SMOC2: variants seen among roughly 807,000 people sequenced by gnomAD.
SMOC2 encodes the protein SPARC-related modular calcium-binding protein 2.
In SMOC2, 39 loss-of-function variants were observed where a neutral mutation model predicts 61.4. That is an observed-to-expected ratio of 0.64 (90% CI 0.49 to 0.83). The LOEUF is 0.83. Among genes scored for constraint, SMOC2 ranks in the 40% least tolerant of loss-of-function variants. The pLI is 0.00. For synonymous variants in SMOC2, 247 were observed against 239.9 expected, an observed-to-expected ratio of 1.03 and a Z score of -0.27; for missense variants, 556 against 592.9, an observed-to-expected ratio of 0.94 and a Z score of 0.65.
In SMOC2 at chr6:168,467,136, A is replaced by AACACACACACACAC. The variant is rs10536582; in HGVS notation, c.84+25715_84+25728dup. On this transcript the variant is annotated intron_variant, in intron 1 of 12. Transcript: ENST00000356284. ...TGTGCTTAACAAATCAGTGCTCTCAAACACACACACACACACACACACACA... is the reference window on the plus strand; with the variant it reads ...TGTGCTTAACAAATCAGTGCTCTCAAACACACACACACACACACACACACACACACACACACACA... 5.1e-3 allele frequency among the ~76,000 whole-genome samples: 675 copies of AACACACACACACAC among 133,408 alleles called. 11 individuals carry two copies. The highest frequency in any genetic ancestry group is 0.011 in the African/African-American group (415 of 36,246). 87.5% of individuals were successfully genotyped at this position (133,408 alleles called of 152,430 possible).
At chr6:168,486,485 A>G (rs1173859952) in intron 1 of SMOC2, among the ~76,000 whole-genome samples, 1 of 151,966 alleles carries the variant, frequency 6.6e-6, no homozygotes, top group Non-Finnish European at 1.5e-5. Context: ...TCTCTTTGCT[A>G]CTTCTTCCCC....
At chr6:168,624,500 GACAC>G (rs1453171865) in intron 9 of SMOC2, among the ~76,000 whole-genome samples, 1 of 152,142 alleles carries the variant, frequency 6.6e-6, no homozygotes, top group Non-Finnish European at 1.5e-5. Context: ...GGAGCACAAA[GACAC>G]ACAGACACAG....
chr6:168,532,620 T>C (rs367945435), intron 4 of SMOC2, among the ~76,000 whole-genome samples: 132 of 152,304 alleles, frequency 8.7e-4, no homozygotes, highest in African/African-American at 3.1e-3. Context: ...GTTCCTGGCA[T>C]GAGTACAAAG....
At chr6:168,599,625 CACACACACCCACA>C (rs1785474163) in intron 8 of SMOC2, among the ~76,000 whole-genome samples, 1 of 48,896 alleles carries the variant, frequency 2.0e-5, no homozygotes. Flanking sequence ...ACACTCATAC[CACACACACCCACA>C]CCCACACACA....
chr6:168,522,661 AATC>A (rs1397605617), intron 2 of SMOC2, among the ~76,000 whole-genome samples: 4 of 152,106 alleles, frequency 2.6e-5, no homozygotes, highest in Non-Finnish European at 5.9e-5. Flanking sequence ...TGAACCTTGA[AATC>A]ATCATGCCAA....
chr6:168,520,599 A>G (rs1380040135), intron 2 of SMOC2, among the ~76,000 whole-genome samples: 2 of 152,238 alleles, frequency 1.3e-5, no homozygotes, highest in Admixed American at 1.3e-4. Context: ...AAACATATCC[A>G]GCTAGCTGCT....
At chr6:168,565,751 C>T (rs889279967) in intron 7 of SMOC2, among the ~76,000 whole-genome samples, 23 of 152,214 alleles carry the variant, frequency 1.5e-4, no homozygotes, top group Admixed American at 1.3e-3. Flanking sequence ...GCACCACCAA[C>T]GCCATCACCC....
intron 1 of SMOC2, among the ~76,000 whole-genome samples, chr6:168,483,020 T>C (rs369883628): frequency 7.2e-5 from 11 of 152,106 alleles, no homozygotes; most frequent in Non-Finnish European, 1.5e-5. Flanking sequence ...CTTTCACCAC[T>C]ACTATTTAAC....
chr6:168,604,467 A>T (rs1349482436), intron 8 of SMOC2, among the ~76,000 whole-genome samples: 1 of 152,164 alleles, frequency 6.6e-6, no homozygotes, highest in African/African-American at 2.4e-5. Flanking sequence ...CTCATCTCCC[A>T]GTGATTCTGC....
chr6:168,613,099 C>T (rs984254981), intron 9 of SMOC2, among the ~76,000 whole-genome samples: 7 of 152,156 alleles, frequency 4.6e-5, no homozygotes, highest in Admixed American at 2.0e-4. Flanking sequence ...TGCTTCATTT[C>T]AGTCTACACT....
rs374106630 is a variant in SMOC2 at position 168,527,483 on chromosome 6, G to A, written c.364-145G>A. ...AAGACCTGCACACTTTCTTTACCGA[G>A]GACTCAAATGCAGCCACAGAAGTAG... On this transcript the variant is annotated intron_variant, in intron 3 of 12. Coordinates refer to ENST00000356284, the MANE Select transcript of SMOC2 (RefSeq NM_001166412.2). 4.5e-5 allele frequency: 28 copies of A among 627,686 alleles called. No homozygotes were observed. In the East Asian group the frequency reaches 5.3e-4, roughly 12 times the overall value. The allele number at this position is 627,686 out of a possible 1,614,324, so 38.9% of individuals were successfully genotyped here.
chr6:168,474,862 A>G (rs2115017172), intron 1 of SMOC2, among the ~76,000 whole-genome samples: 1 of 152,262 alleles, frequency 6.6e-6, no homozygotes, highest in African/African-American at 2.4e-5. Context: ...TTGGATACTG[A>G]AGTGCCATAA....
chr6:168,596,337 C>T (rs1030048347), intron 7 of SMOC2, among the ~76,000 whole-genome samples: 8 of 141,020 alleles, frequency 5.7e-5, no homozygotes, highest in African/African-American at 1.4e-4. Flanking sequence ...GAACAGGTGC[C>T]ATGTGAACAC....
At chr6:168,493,767 T>A (rs1782523570) in intron 1 of SMOC2, among the ~76,000 whole-genome samples, 2 of 152,166 alleles carry the variant, frequency 1.3e-5, no homozygotes, top group South Asian at 4.1e-4. Context: ...AGTGTATAAG[T>A]CCTAGTTTTT....
intron 1 of SMOC2, among the ~76,000 whole-genome samples, chr6:168,509,521 G>A (rs1279955572): frequency 6.6e-6 from 1 of 151,754 alleles, no homozygotes; most frequent in Non-Finnish European, 1.5e-5. Flanking sequence ...CAAAAGAATG[G>A]TACAATGTGA....
chr6:168,508,154 T>C (rs905242706), intron 1 of SMOC2, among the ~76,000 whole-genome samples: 2 of 152,240 alleles, frequency 1.3e-5, no homozygotes, highest in Non-Finnish European at 2.9e-5. Flanking sequence ...CAGCTTTGGC[T>C]TTTGGCTAAT....
chr6:168,478,403 T>C (rs1782137078), intron 1 of SMOC2, among the ~76,000 whole-genome samples: 2 of 152,100 alleles, frequency 1.3e-5, no homozygotes, highest in Admixed American at 1.3e-4. Context: ...TTTAAATGTG[T>C]GGAGAATGTG....
intron 2 of SMOC2, among the ~76,000 whole-genome samples, chr6:168,519,456 C>T (rs1430978565): frequency 1.3e-5 from 2 of 152,280 alleles, no homozygotes; most frequent in South Asian, 4.1e-4. Flanking sequence ...TACCTTAACT[C>T]GCTTATGGTA....
At chr6:168,532,354 T>C (rs920790167) in intron 4 of SMOC2, among the ~76,000 whole-genome samples, 9 of 152,198 alleles carry the variant, frequency 5.9e-5, no homozygotes, top group African/African-American at 2.2e-4. Flanking sequence ...TCCACGTGTC[T>C]CCTGAAAGAC....
Sources: gnomAD v4.1 joint callset for allele counts (sites outside exome capture counted in the v4.1 genomes callset) on GRCh38, gnomAD v4.1.1 for gene constraint, MANE v1.5 for transcripts, NCBI Gene and HGNC (gene_info 2026-07-23, HGNC 2026-07-21) for gene names.